YTHDC1: variants seen among roughly 807,000 people sequenced by gnomAD.
The protein encoded by YTHDC1 is YTH domain-containing protein 1.
YTHDC1 carries 12 observed loss-of-function variants against 107.0 expected under a neutral mutation model. That is an observed-to-expected ratio of 0.11 (90% CI 0.07 to 0.18). The LOEUF (loss-of-function observed/expected upper bound fraction) is 0.18. Among genes scored for constraint, YTHDC1 ranks in the 10% least tolerant of loss-of-function variants. YTHDC1 has a pLI of 1.00. For missense variants in YTHDC1, 635 were observed against 898.8 expected (o/e 0.71, Z 3.75); for synonymous variants, 280 against 289.5 (o/e 0.97, Z 0.33).
intron 1 of YTHDC1, among the ~76,000 whole-genome samples, chr4:68,339,491 T>C (rs1056845874): frequency 3.9e-5 from 6 of 152,246 alleles, no homozygotes; most frequent in African/African-American, 1.4e-4. Flanking sequence ...TAATTTTGAC[T>C]GTACTATGGT....
chr4:68,334,392 A>C (rs530199278), intron 4 of YTHDC1, among the ~76,000 whole-genome samples: 99 of 152,282 alleles, frequency 6.5e-4, no homozygotes, highest in African/African-American at 2.3e-3. Context: ...ACAAGTTCAC[A>C]AGATATTCTC....
chr4:68,325,555 T>A (rs939465818), intron 9 of YTHDC1, among the ~76,000 whole-genome samples: 2 of 152,172 alleles, frequency 1.3e-5, no homozygotes, highest in African/African-American at 2.4e-5. Flanking sequence ...GACCTTTTTT[T>A]AAATTTAATT....
rs751003108 is a variant in YTHDC1 at position 68,314,262 on chromosome 4, C to T, written c.2021G>A (p.Arg674Gln). 5.6e-6 allele frequency: 9 copies of T among 1,613,848 alleles called. No homozygotes were observed. Among genetic ancestry groups the T allele is most frequent in the South Asian group, 2.2e-5 (2 of 91,074 alleles). ...LRRTQAVVSG[R>Q]RSRPRERDRE... The stretch of plus-strand genomic sequence containing the variant: ...GTCTCTTTCACGGGGTCTACTTCTC[C>T]GGCCACTGACAACAGCTTGTGTGCG... The change falls in exon 17 of 17, where the codon CGG (arginine) becomes CAG (glutamine). Residue 674 changes from arginine to glutamine, a missense_variant. Arg to Gln is a conservative substitution (Grantham distance 43). Around this residue, in one of 5 missense-constraint regions of YTHDC1, gnomAD observed 256 missense variants for 372.9 expected, o/e 0.69. Coordinates refer to ENST00000344157, the MANE Select transcript of YTHDC1 (RefSeq NM_001031732.4).
chr4:68,338,265 A>C lies in YTHDC1; in HGVS notation c.130+18T>G, dbSNP rs754544404. On this transcript the variant is annotated intron_variant, in intron 2 of 16. Coordinates refer to ENST00000344157, the MANE Select transcript of YTHDC1 (RefSeq NM_001031732.4). ...TTTATACTGTTATTTCAACAAAAAT[A>C]ATAGAACTCTTACATACCCTTTTTC... The C allele has an allele frequency of 5.1e-6, 8 of 1,576,368 alleles. No homozygotes were observed. The highest frequency in any genetic ancestry group is 5.2e-6 in the Non-Finnish European group (6 of 1,156,902).
At chr4:68,325,937 T>TC (rs946570968) in intron 9 of YTHDC1, among the ~76,000 whole-genome samples, 4 of 152,074 alleles carry the variant, frequency 2.6e-5, no homozygotes, top group African/African-American at 9.7e-5. Context: ...GAATTTTTTT[T>TC]CCCCCTTTTC....
Position 68,332,174 on chromosome 4 carries a change from C to T in YTHDC1, c.1051G>A (p.Val351Met), listed in dbSNP as rs774061369. ...RKDQTSKLKY[V>M]LQDARFFLIK... ...AGGAAAAATCTTGCATCTTGAAGCACATATTTGAGTTTACTGGTTTGATCT... is the reference window on the plus strand; with the variant it reads ...AGGAAAAATCTTGCATCTTGAAGCATATATTTGAGTTTACTGGTTTGATCT... The change falls in exon 7 of 17, where the codon GTG becomes ATG. Residue 351 changes from valine (V) to methionine (M), a missense_variant. By Grantham distance (21) the Val-to-Met change is conservative (BLOSUM62 1). Transcript: ENST00000344157. The T allele has an allele frequency of 3.1e-6, 5 of 1,605,194 alleles. No individual in the cohort carries two copies. Among genetic ancestry groups the T allele is most frequent in the African/African-American group, 1.3e-5 (1 of 74,228 alleles).
chr4:68,339,153 T>C (rs1386424092), intron 1 of YTHDC1, among the ~76,000 whole-genome samples: 3 of 152,162 alleles, frequency 2.0e-5, no homozygotes, highest in African/African-American at 4.8e-5. Flanking sequence ...ATTAACCAGA[T>C]AATCAAAGTT....
At position 68,310,921 on chromosome 4, in the gene YTHDC1, C is replaced by A. The variant is rs1396802369; in HGVS notation, c.*3178G>T. 6.6e-6 allele frequency: 1 copy of A among 152,102 alleles called. No homozygotes were observed. The highest frequency in any genetic ancestry group is 2.4e-5 in the African/African-American group (1 of 41,370). The allele number at this position is 152,102 out of a possible 1,614,324, so 9.4% of individuals were successfully genotyped here. On this transcript the variant is annotated 3_prime_UTR_variant, in exon 17 of 17. Coordinates refer to ENST00000344157, the MANE Select transcript of YTHDC1 (RefSeq NM_001031732.4). ...TGTAGATATATCCAAGGGCAAGATG[C>A]CACACCTGTGATGGCAAAATACTCT...
intron 15 of YTHDC1, among the ~76,000 whole-genome samples, chr4:68,317,913 TAAG>T (rs1407083212): frequency 1.3e-5 from 2 of 152,158 alleles, no homozygotes; most frequent in South Asian, 2.1e-4. Flanking sequence ...AGAGTTGTAT[TAAG>T]AAATTAACCC....
intron 10 of YTHDC1, among the ~76,000 whole-genome samples, chr4:68,323,261 G>T (rs1722629056): frequency 6.6e-6 from 1 of 152,142 alleles, no homozygotes; most frequent in African/African-American, 2.4e-5. Flanking sequence ...AAAAATTCAT[G>T]TTAGTGTGTG....
rs376343599 is a variant in YTHDC1, at chr4:68,322,762, G to C, written c.1588C>G (p.Arg530Gly). 1 of 1,613,916 alleles carries C rather than the reference G, an allele frequency of 6.2e-7. No individual in the cohort carries two copies. ...AACGTTTCTAACCTTCCCACATCCC[G>C]GACTGGTTCTCGACGGGATGGACGT... Reference protein sequence around the residue: ...RGRPSRREPVRDVGRRRPEDY... With the variant: ...RGRPSRREPVGDVGRRRPEDY... Residue 530 changes from arginine (R) to glycine (G), a missense_variant, in exon 11 of 17, where the codon CGG (arginine) becomes GGG (glycine). By Grantham distance (125) the Arg-to-Gly change is moderately radical (BLOSUM62 -2). Transcript: ENST00000344157. The surrounding 1 kb of genome is among the most constrained non-coding windows in gnomAD (Gnocchi z 4.8).
At chr4:68,317,877 T>C (rs1222635076) in intron 15 of YTHDC1, among the ~76,000 whole-genome samples, 1 of 152,162 alleles carries the variant, frequency 6.6e-6, no homozygotes, top group East Asian at 1.9e-4. Context: ...TGAATGCCCA[T>C]GGAATTTTAC....
chr4:68,314,708 A>G (rs1227482653), intron 16 of YTHDC1, among the ~76,000 whole-genome samples: 2 of 152,200 alleles, frequency 1.3e-5, no homozygotes, highest in Non-Finnish European at 2.9e-5. Context: ...AAATGTCATC[A>G]ATGTTTTTCT....
chr4:68,324,286 T>A, intron 9 of YTHDC1, 63 bp from the exon 10 acceptor site: 30 of 1,375,142 alleles, frequency 2.2e-5, no homozygotes, highest in Non-Finnish European at 2.9e-5. Flanking sequence ...TTATACTACT[T>A]TTAGTAGTGA....
At chr4:68,318,630 C>T (rs374591377) in intron 14 of YTHDC1, 49 bp from the exon 15 acceptor site, 147 of 1,608,188 alleles carry the variant, frequency 9.1e-5, no homozygotes, top group Non-Finnish European at 1.2e-4. Flanking sequence ...TATCACAGAA[C>T]TGCAAAATAA....
intron 6 of YTHDC1, 140 bp from the exon 7 acceptor site, chr4:68,332,337 C>T: frequency 2.0e-6 from 1 of 500,478 alleles, no homozygotes; most frequent in Non-Finnish European, 3.5e-6. Context: ...ACCTGGAAGG[C>T]TAAGCCACAT....
intron 12 of YTHDC1, among the ~76,000 whole-genome samples, chr4:68,319,321 C>G (rs773430563): frequency 2.0e-5 from 3 of 151,930 alleles, no homozygotes; most frequent in Non-Finnish European, 4.4e-5. Context: ...GCAAAAGTTG[C>G]AAAAATGAAG....
At position 68,322,839 on chromosome 4, in the gene YTHDC1, A is replaced by C; in HGVS notation, c.1511T>G (p.Ile504Ser). The C allele has an allele frequency of 6.2e-7, 1 of 1,614,148 alleles. No individual in the cohort carries two copies. Among genetic ancestry groups the C allele is most frequent in the Non-Finnish European group, 8.5e-7 (1 of 1,180,028 alleles). Residue 504 changes from isoleucine (I) to serine (S), a missense_variant, in exon 11 of 17, where the codon ATT (isoleucine) becomes AGT (serine). Ile to Ser is a moderately radical substitution (Grantham distance 142). Around this residue, in one of 5 missense-constraint regions of YTHDC1, gnomAD observed 256 missense variants for 372.9 expected, o/e 0.69. Coordinates refer to ENST00000344157, the MANE Select transcript of YTHDC1 (RefSeq NM_001031732.4). This position sits in a 1 kb window ranked among gnomAD's most constrained non-coding sequence, Gnocchi z 4.8. ...PDESIDLYQV[I>S]HKMRHKRRMH... ...TCTTCTCTTGTGACGCATTTTATGA[A>C]TGACCTGATACAAGTCAATACTTTC...
At chr4:68,349,264 A>C (rs1251756079) in intron 1 of YTHDC1, among the ~76,000 whole-genome samples, 2 of 152,210 alleles carry the variant, frequency 1.3e-5, no homozygotes, top group African/African-American at 4.8e-5. Context: ...GATATTTCTC[A>C]AGATTAATAA....
Sources: gnomAD v4.1 joint callset for allele counts (sites outside exome capture counted in the v4.1 genomes callset) on GRCh38, gnomAD v4.1.1 for gene constraint, gnomAD v4.1.1 regional missense constraint, Gnocchi (gnomAD v3.1) non-coding constraint, MANE v1.5 for transcripts, NCBI Gene and HGNC (gene_info 2026-07-23, HGNC 2026-07-21) for gene names.